The following LRRC4C variants were observed in gnomAD, a reference collection of about 807,000 sequenced individuals.
LRRC4C encodes leucine rich repeat containing 4C.
In LRRC4C, 5 loss-of-function variants were observed where a neutral mutation model predicts 33.6. The observed-to-expected ratio is 0.15, with a 90% CI of 0.08 to 0.31. LRRC4C has a LOEUF of 0.31. Ranked by LOEUF, LRRC4C falls within the 10% of genes least tolerant of loss-of-function variation. The pLI is 1.00. For synonymous variants in LRRC4C, 329 were observed against 302.0 expected (o/e 1.09, Z -0.93); for missense variants, 560 against 796.7 (o/e 0.70, Z 3.58).
intron 3 of LRRC4C, among the ~76,000 whole-genome samples, chr11:40,350,441 A>T (rs923040583): frequency 1.3e-5 from 2 of 152,028 alleles, no homozygotes; most frequent in Non-Finnish European, 2.9e-5. Flanking sequence ...ATTCTAGTCC[A>T]TTGGTCTATG....
intron 1 of LRRC4C, among the ~76,000 whole-genome samples, chr11:41,382,301 A>G (rs886602824): frequency 6.6e-6 from 1 of 152,070 alleles, no homozygotes; most frequent in African/African-American, 2.4e-5. Flanking sequence ...ATAATATCAT[A>G]CCTTAAATAT....
At chr11:40,439,942 G>T (rs1329366047) in intron 3 of LRRC4C, among the ~76,000 whole-genome samples, 1 of 152,168 alleles carries the variant, frequency 6.6e-6, no homozygotes, top group African/African-American at 2.4e-5. Context: ...CCTGTCACTT[G>T]TTCTTTTAAA....
chr11:40,937,023 C>A (rs1957932376), intron 1 of LRRC4C, among the ~76,000 whole-genome samples: 1 of 152,156 alleles, frequency 6.6e-6, no homozygotes, highest in Admixed American at 6.5e-5. Context: ...GATGTATGTT[C>A]ATTCTGTGCT....
chr11:40,361,825 A>G (rs1947966375), intron 3 of LRRC4C, among the ~76,000 whole-genome samples: 2 of 152,232 alleles, frequency 1.3e-5, no homozygotes, highest in African/African-American at 4.8e-5. Flanking sequence ...AGCAAAAAGA[A>G]CAAAGCTGGA....
At position 40,870,695 on chromosome 11, in the gene LRRC4C, A is replaced by G. The variant is rs144880748; in HGVS notation, c.-407+62940T>C. On this transcript the variant is annotated intron_variant, in intron 2 of 6. Transcript: ENST00000528697. ...GTCTTTATTTTAATCTCTTAATCCC[A>G]TCACCTTCCTAAGCTGAGGAGGATG... 7.8e-3 allele frequency among the ~76,000 whole-genome samples: 1,186 copies of G among 152,180 alleles called. 23 individuals carry two copies. Among genetic ancestry groups the G allele is most frequent in the African/African-American group, 0.027 (1,107 of 41,534 alleles).
intron 3 of LRRC4C, among the ~76,000 whole-genome samples, chr11:40,343,394 G>A (rs1481055064): frequency 6.6e-6 from 1 of 151,932 alleles, no homozygotes; most frequent in African/African-American, 2.4e-5. Flanking sequence ...TGGTAAATAT[G>A]CAGGATTGTT....
intron 1 of LRRC4C, among the ~76,000 whole-genome samples, chr11:40,963,745 T>G (rs1851131687): frequency 6.6e-6 from 1 of 151,792 alleles, no homozygotes; most frequent in South Asian, 2.1e-4. Context: ...AATCATCTTT[T>G]GTTTATTCAG....
At chr11:40,929,424 G>C (rs1428532435) in intron 2 of LRRC4C, among the ~76,000 whole-genome samples, 2 of 152,034 alleles carry the variant, frequency 1.3e-5, no homozygotes, top group African/African-American at 4.8e-5. Context: ...AAACAAAGTA[G>C]TGCAACTATT....
intron 1 of LRRC4C, among the ~76,000 whole-genome samples, chr11:41,405,111 G>A (rs1954180108): frequency 2.0e-5 from 3 of 151,968 alleles, no homozygotes; most frequent in South Asian, 2.1e-4. Context: ...GAGCTTTTTG[G>A]AAGTTCATAT....
intron 4 of LRRC4C, among the ~76,000 whole-genome samples, chr11:40,312,630 A>G (rs1945370579): frequency 6.6e-6 from 1 of 152,224 alleles, no homozygotes; most frequent in Non-Finnish European, 1.5e-5. Flanking sequence ...GAATGCTAAA[A>G]GAAAGGCAAA....
At position 41,073,834 on chromosome 11, in the gene LRRC4C, T is replaced by C. The variant is rs1457818406; in HGVS notation, c.-495-140111A>G. Among the ~76,000 whole-genome samples the C allele has an allele frequency of 1.3e-5, 2 of 152,192 alleles. 1 individual carries two copies. The highest frequency in any genetic ancestry group is 4.8e-5 in the African/African-American group (2 of 41,454). ...TCTTTTCCCCTTGTTTCCTCAGTGC[T>C]ACATAGTATCACATTGAGTACATAA... is the stretch of plus-strand genomic sequence containing the variant. On this transcript the variant is annotated intron_variant, in intron 1 of 6. Transcript: ENST00000528697.
At chr11:41,447,836 C>T (rs1188100441) in intron 1 of LRRC4C, among the ~76,000 whole-genome samples, 1 of 152,138 alleles carries the variant, frequency 6.6e-6, no homozygotes, top group Non-Finnish European at 1.5e-5. Flanking sequence ...AAAAAATCCA[C>T]ACAAATATAT....
intron 5 of LRRC4C, among the ~76,000 whole-genome samples, chr11:40,221,039 C>T (rs1864377394): frequency 6.6e-6 from 1 of 151,980 alleles, no homozygotes; most frequent in South Asian, 2.1e-4. Context: ...CCATGCCCAG[C>T]TAATTTTTGT....
intron 1 of LRRC4C, among the ~76,000 whole-genome samples, chr11:41,431,605 C>T (rs1289179243): frequency 6.6e-6 from 1 of 151,696 alleles, no homozygotes; most frequent in Non-Finnish European, 1.5e-5. Context: ...TTTGTCTCTC[C>T]TACCTGCAAG....
chr11:41,129,797 A>C (rs185559606), intron 1 of LRRC4C, among the ~76,000 whole-genome samples: 104 of 152,096 alleles, frequency 6.8e-4, no homozygotes, highest in African/African-American at 2.4e-3. Flanking sequence ...GGTCACCGTT[A>C]ACATCTTAGT....
intron 2 of LRRC4C, among the ~76,000 whole-genome samples, chr11:40,772,437 C>T (rs943800984): frequency 6.6e-6 from 1 of 152,156 alleles, no homozygotes; most frequent in Non-Finnish European, 1.5e-5. Context: ...CTGACCATAT[C>T]ACTACCACCT....
At chr11:40,781,570 G>A (rs1950210991) in intron 2 of LRRC4C, among the ~76,000 whole-genome samples, 1 of 152,044 alleles carries the variant, frequency 6.6e-6, no homozygotes, top group Admixed American at 6.6e-5. Flanking sequence ...TTTCAGAGTT[G>A]GCATAATAGT....
intron 1 of LRRC4C, among the ~76,000 whole-genome samples, chr11:41,431,254 G>T (rs1955223868): frequency 6.6e-6 from 1 of 151,936 alleles, no homozygotes; most frequent in South Asian, 2.1e-4. Flanking sequence ...TATTAACCAA[G>T]ATCCAAAATA....
intron 2 of LRRC4C, among the ~76,000 whole-genome samples, chr11:40,816,550 T>A (rs966688232): frequency 5.3e-5 from 8 of 152,226 alleles, no homozygotes; most frequent in African/African-American, 1.9e-4. Flanking sequence ...GATTCATTTA[T>A]AATGCATGTG....
Sources: gnomAD v4.1 joint callset for allele counts (sites outside exome capture counted in the v4.1 genomes callset) on GRCh38, gnomAD v4.1.1 for gene constraint, MANE v1.5 for transcripts, NCBI Gene and HGNC (gene_info 2026-07-23, HGNC 2026-07-21) for gene names.